CPA4: variants seen among roughly 807,000 people sequenced by gnomAD.
CPA4 encodes carboxypeptidase A3.
Under a neutral mutation model 54.7 loss-of-function variants are expected in CPA4, and 49 were observed. That is an observed-to-expected ratio of 0.90 (90% CI 0.71 to 1.14). The LOEUF (loss-of-function observed/expected upper bound fraction) is 1.14. Among genes scored for constraint, CPA4 ranks in the 50% most tolerant of loss-of-function variants. The probability of loss-of-function intolerance (pLI) is 0.00; values close to 1 mark genes in which losing one functional copy is unlikely to be tolerated. For missense variants in CPA4, 487 were observed against 525.1 expected (o/e 0.93, Z 0.71); for synonymous variants, 215 against 206.8 (o/e 1.04, Z -0.34).
chr7:130,297,360 G>A (rs183555345), intron 1 of CPA4, among the ~76,000 whole-genome samples: 3 of 152,274 alleles, frequency 2.0e-5, no homozygotes, highest in East Asian at 3.9e-4. Flanking sequence ...CCAACTCTTG[G>A]CAAGCCTGTT....
chr7:130,299,262 C>T lies in CPA4; in HGVS notation c.151-8C>T. 1.2e-6 allele frequency: 2 copies of T among 1,613,560 alleles called. No homozygotes were observed. The highest frequency in any genetic ancestry group is 1.1e-5 in the South Asian group (1 of 91,064). On this transcript the variant is annotated splice_polypyrimidine_tract_variant and splice_region_variant and intron_variant, in intron 2 of 10. Transcript: ENST00000222482. ...CCTTTAACCTGGTTTCATTTCTGTTCCCTTCAGCTCAATTTCTGGAAATCT... is the reference window on the plus strand; with the variant it reads ...CCTTTAACCTGGTTTCATTTCTGTTTCCTTCAGCTCAATTTCTGGAAATCT...
intron 8 of CPA4, among the ~76,000 whole-genome samples, chr7:130,309,468 T>C (rs117738219): frequency 1.9e-3 from 289 of 152,072 alleles, no homozygotes; most frequent in Non-Finnish European, 3.4e-3. Context: ...GATATGAACC[T>C]TAGCAGCTGG....
At chr7:130,294,824 T>TTTTAGAGCAAGGGGAACA in intron 1 of CPA4, among the ~76,000 whole-genome samples, 1 of 152,294 alleles carries the variant, frequency 6.6e-6, no homozygotes, top group East Asian at 1.9e-4. Context: ...GACACCCAGC[T>TTTTAGAGCAAGGGGAACA]TTTAGAGCAA....
Position 130,306,883 on chromosome 7 carries a change from T to C in CPA4, c.688T>C (p.Tyr230His). Residue 230 changes from tyrosine (Y) to histidine (H), a missense_variant, in exon 7 of 11, where the codon TAT becomes CAT. Physicochemically the swap from Tyr to His is moderately conservative, Grantham distance 83. Coordinates refer to ENST00000222482, the MANE Select transcript of CPA4 (RefSeq NM_016352.4). The stretch of plus-strand genomic sequence containing the variant: ...TGTGGCCAATCCTGATGGATATGTG[T>C]ATACTCAAACTCAAGTGAGTATTCC... ...LPVANPDGYVYTQTQNRLWRK... is the reference protein window; with the variant it reads ...LPVANPDGYVHTQTQNRLWRK... 1.3e-6 allele frequency: 2 copies of C among 1,584,536 alleles called. No homozygotes were observed. The highest frequency in any genetic ancestry group is 1.7e-6 in the Non-Finnish European group (2 of 1,153,002).
intron 1 of CPA4, chr7:130,293,662 C>T (rs1450377901): frequency 5.0e-6 from 1 of 199,376 alleles, no homozygotes; most frequent in South Asian, 8.5e-5. Flanking sequence ...AAGGGAAACC[C>T]TGGGTCTCAA....
intron 4 of CPA4, among the ~76,000 whole-genome samples, chr7:130,302,252 C>T (rs962508153): frequency 2.0e-5 from 3 of 152,004 alleles, no homozygotes; most frequent in South Asian, 2.1e-4. Context: ...TTTGGGAGGC[C>T]GAGGTGGGCA....
chr7:130,316,944 T>C (rs1407504841), intron 10 of CPA4, among the ~76,000 whole-genome samples: 11 of 147,586 alleles, frequency 7.5e-5, no homozygotes, highest in Non-Finnish European at 3.0e-5. Context: ...GATAAAAGAC[T>C]GGTGGGATTT....
chr7:130,296,320 G>A (rs1562927338), intron 1 of CPA4, among the ~76,000 whole-genome samples: 1 of 152,194 alleles, frequency 6.6e-6, no homozygotes, highest in African/African-American at 2.4e-5. Context: ...CAGATATTTT[G>A]TTGACCTCTG....
intron 10 of CPA4, among the ~76,000 whole-genome samples, chr7:130,313,183 T>G (rs1242309065): frequency 6.6e-6 from 1 of 152,114 alleles, no homozygotes; most frequent in Non-Finnish European, 1.5e-5. Flanking sequence ...TCTGTAGATG[T>G]TTTTGGGTAG....
intron 7 of CPA4, among the ~76,000 whole-genome samples, chr7:130,307,556 C>T (rs544263157): frequency 6.9e-5 from 10 of 144,636 alleles, no homozygotes; most frequent in Admixed American, 2.9e-4. Context: ...GACGTGAACC[C>T]GGGAGGCGGA....
At chr7:130,293,287 A>G in intron 1 of CPA4, 39 bp downstream of exon 1, 1 of 1,157,656 alleles carries the variant, frequency 8.6e-7, no homozygotes, top group Non-Finnish European at 1.3e-6. Context: ...TTATTTCAGA[A>G]ATATGGGAGC....
At position 130,308,294 on chromosome 7, in the gene CPA4, G is replaced by C. The variant is rs1165466675; in HGVS notation, c.703-13G>C. 6.2e-7 allele frequency: 1 copy of C among 1,612,944 alleles called. No homozygotes were observed. Among genetic ancestry groups the C allele is most frequent in the East Asian group, 2.2e-5 (1 of 44,874 alleles). ...CCTCTGGTTGTTTGTCCCCTCCTTG[G>C]TGGCTTTTTCAGAACCGATTATGGA... is the stretch of plus-strand genomic sequence containing the variant. On this transcript the variant is annotated splice_polypyrimidine_tract_variant and intron_variant, in intron 7 of 10. Transcript: ENST00000222482.
In CPA4 at chr7:130,293,241, TTTTTTGGGTAAGTTCC is replaced by T. The variant is rs757714858; in HGVS notation, c.66_68+13del. Reference sequence around the variant, plus strand: ...GTCCAGCATCTGTGGCCAAGAAAAATTTTTTGGGTAAGTTCCTTTTGGACTTATTATTTGGTTATTT... The same window carrying T: ...GTCCAGCATCTGTGGCCAAGAAAAATTTTTGGACTTATTATTTGGTTATTT... On this transcript the variant is annotated splice_donor_variant and splice_donor_5th_base_variant and coding_sequence_variant and intron_variant, in exon 1 of 11. Transcript: ENST00000222482. LOFTEE classifies it high-confidence loss of function. The T allele has an allele frequency of 2.5e-6, 4 of 1,599,990 alleles. No homozygotes were observed. In the South Asian group the frequency reaches 4.4e-5, roughly 18 times the overall value.
At chr7:130,314,953 C>G (rs1793966845) in intron 10 of CPA4, among the ~76,000 whole-genome samples, 1 of 152,070 alleles carries the variant, frequency 6.6e-6, no homozygotes, top group Non-Finnish European at 1.5e-5. Context: ...CAAGAGAAGG[C>G]TGAGGGATTT....
At chr7:130,315,662 C>T (rs1793976892) in intron 10 of CPA4, among the ~76,000 whole-genome samples, 1 of 152,104 alleles carries the variant, frequency 6.6e-6, no homozygotes, top group South Asian at 2.1e-4. Context: ...GAAAAAGCCT[C>T]CACCCATCCT....
rs1227054300 is a variant in CPA4 at position 130,310,603 on chromosome 7, C to T, written c.794-184C>T. Among the ~76,000 whole-genome samples, 1 of 152,224 alleles carries T rather than the reference C, an allele frequency of 6.6e-6. No homozygotes were observed. The highest frequency in any genetic ancestry group is 6.5e-5 in the Admixed American group (1 of 15,286). On this transcript the variant is annotated intron_variant, in intron 8 of 10. Transcript: ENST00000222482. This position sits in a 1 kb window ranked among gnomAD's most constrained non-coding sequence, Gnocchi z 4.3. The stretch of plus-strand genomic sequence containing the variant: ...TTCTCCTCAGCTGTAGCAGACCCAA[C>T]ACCCAACCCTCCCTCTTCCATGCCT...
chr7:130,297,979 G>A (rs1470488590), intron 1 of CPA4, among the ~76,000 whole-genome samples: 3 of 152,162 alleles, frequency 2.0e-5, no homozygotes, highest in South Asian at 2.1e-4. Flanking sequence ...CAGGACAAAC[G>A]ACAAAGGGGA....
intron 10 of CPA4, among the ~76,000 whole-genome samples, chr7:130,314,869 C>A (rs187040532): frequency 1.3e-5 from 2 of 152,044 alleles, no homozygotes; most frequent in Non-Finnish European, 2.9e-5. Flanking sequence ...GAGATGTAAG[C>A]GGCTTATGTG....
chr7:130,299,253 A>G lies in CPA4; in HGVS notation c.151-17A>G. The G allele has an allele frequency of 6.2e-7, 1 of 1,613,296 alleles. No homozygotes were observed. Among genetic ancestry groups the G allele is most frequent in the Non-Finnish European group, 8.5e-7 (1 of 1,179,232 alleles). The stretch of plus-strand genomic sequence containing the variant: ...CTGAACGGTCCTTTAACCTGGTTTC[A>G]TTTCTGTTCCCTTCAGCTCAATTTC... On this transcript the variant is annotated splice_polypyrimidine_tract_variant and intron_variant, in intron 2 of 10. Transcript: ENST00000222482.
Sources: gnomAD v4.1 joint callset for allele counts (sites outside exome capture counted in the v4.1 genomes callset) on GRCh38, gnomAD v4.1.1 for gene constraint, Gnocchi (gnomAD v3.1) non-coding constraint, MANE v1.5 for transcripts, NCBI Gene and HGNC (gene_info 2026-07-23, HGNC 2026-07-21) for gene names.